The following RNLS variants were observed in gnomAD, a reference collection of about 807,000 sequenced individuals.
The protein encoded by RNLS is renalase.
In RNLS, 39 loss-of-function variants were observed where a neutral mutation model predicts 39.8. The observed-to-expected ratio is 0.98, with a 90% CI of 0.76 to 1.28. The LOEUF (loss-of-function observed/expected upper bound fraction) is 1.28. RNLS is among the 50% of genes most tolerant of loss of function. RNLS has a pLI of 0.00. For synonymous variants in RNLS, 147 were observed against 150.7 expected, an observed-to-expected ratio of 0.98 and a Z score of 0.18; for missense variants, 410 against 413.3, an observed-to-expected ratio of 0.99 and a Z score of 0.07.
At chr10:88,340,740 T>C (rs1564709323) in intron 5 of RNLS, among the ~76,000 whole-genome samples, 1 of 152,134 alleles carries the variant, frequency 6.6e-6, no homozygotes, top group African/African-American at 2.4e-5. Flanking sequence ...TATGCAGGAA[T>C]ATATTTTAAT....
intron 4 of RNLS, among the ~76,000 whole-genome samples, chr10:88,396,759 GAT>G (rs1239124941): frequency 1.4e-5 from 2 of 147,106 alleles, no homozygotes; most frequent in African/African-American, 4.9e-5. Context: ...GTGCACTTTA[GAT>G]CCTAGGTTGA....
intron 4 of RNLS, among the ~76,000 whole-genome samples, chr10:88,436,759 T>A (rs1841437242): frequency 6.6e-6 from 1 of 152,204 alleles, no homozygotes; most frequent in African/African-American, 2.4e-5. Flanking sequence ...AGTCTTTTTT[T>A]TTTTAAAGGG....
intron 4 of RNLS, among the ~76,000 whole-genome samples, chr10:88,537,720 G>A (rs1847839084): frequency 2.0e-5 from 3 of 152,184 alleles, no homozygotes; most frequent in Admixed American, 2.0e-4. Flanking sequence ...GGGAGAGTTA[G>A]GGGCTGGAAG....
intron 4 of RNLS, among the ~76,000 whole-genome samples, chr10:88,489,898 C>T (rs1844788766): frequency 6.6e-6 from 1 of 152,158 alleles, no homozygotes; most frequent in Non-Finnish European, 1.5e-5. Flanking sequence ...GAACCCCTAA[C>T]TCTTTTATGA....
chr10:88,550,357 A>G lies in RNLS; in HGVS notation c.526+22546T>C, dbSNP rs150450729. ...TAGGTGATGGAATAGTTGAGGCCAC[A>G]GAAGAGTACAAATTGAGGGAATCTA... On this transcript the variant is annotated intron_variant, in intron 4 of 6. Coordinates refer to ENST00000331772, the MANE Select transcript of RNLS (RefSeq NM_001031709.3). Among the ~76,000 whole-genome samples the G allele has an allele frequency of 7.9e-5, 12 of 152,328 alleles. No individual in the cohort carries two copies. In the East Asian group the frequency reaches 2.3e-3, roughly 29 times the overall value.
chr10:88,298,811 G>A (rs1408603728), intron 6 of RNLS, among the ~76,000 whole-genome samples: 1 of 151,942 alleles, frequency 6.6e-6, no homozygotes, highest in African/African-American at 2.4e-5. Context: ...GGCTATCAGG[G>A]GGTCCTTGTG....
rs536145270 is a variant in RNLS, at chr10:88,465,316, G to A, written c.527-102591C>T. Among the ~76,000 whole-genome samples, 70 of 152,080 alleles carry A rather than the reference G, an allele frequency of 4.6e-4. 1 individual carries two copies. Among genetic ancestry groups the A allele is most frequent in the African/African-American group, 1.5e-3 (61 of 41,504 alleles). ...TAAATTTTGTTTATTTATTCATCTC[G>A]TCATTGATTTACATAACAAATAATT... On this transcript the variant is annotated intron_variant, in intron 4 of 6. Coordinates refer to ENST00000331772, the MANE Select transcript of RNLS (RefSeq NM_001031709.3).
chr10:88,545,967 C>T (rs1848286127), intron 4 of RNLS, among the ~76,000 whole-genome samples: 1 of 151,746 alleles, frequency 6.6e-6, no homozygotes, highest in Non-Finnish European at 1.5e-5. Context: ...TTCATTCATT[C>T]AATAAATAAT....
intron 4 of RNLS, among the ~76,000 whole-genome samples, chr10:88,484,954 T>C (rs1178507681): frequency 2.6e-5 from 4 of 152,026 alleles, no homozygotes; most frequent in Non-Finnish European, 2.9e-5. Context: ...ATATCTCATA[T>C]ATTTTGTCAG....
At chr10:88,313,077 A>G (rs75657561) in intron 6 of RNLS, among the ~76,000 whole-genome samples, 10,240 of 152,264 alleles carry the variant, frequency 0.067, 463 homozygotes, top group Non-Finnish European at 0.11. Flanking sequence ...TAGGGTTTGG[A>G]GGTACATTGT....
intron 4 of RNLS, among the ~76,000 whole-genome samples, chr10:88,496,646 C>A (rs1195495560): frequency 6.6e-6 from 1 of 152,124 alleles, no homozygotes; most frequent in African/African-American, 2.4e-5. Flanking sequence ...CACCCCATCC[C>A]CACATGCAAC....
At chr10:88,457,768 G>A (rs1459713645) in intron 4 of RNLS, among the ~76,000 whole-genome samples, 1 of 152,156 alleles carries the variant, frequency 6.6e-6, no homozygotes, top group African/African-American at 2.4e-5. Flanking sequence ...ATCCCTATCA[G>A]TCTTCAGCAT....
chr10:88,536,775 T>C (rs990987736), intron 4 of RNLS, among the ~76,000 whole-genome samples: 3 of 152,132 alleles, frequency 2.0e-5, no homozygotes, highest in Non-Finnish European at 4.4e-5. Flanking sequence ...CATCCTTCAC[T>C]ACCCTATCCT....
chr10:88,435,939 G>A (rs1328853839), intron 4 of RNLS, among the ~76,000 whole-genome samples: 1 of 152,086 alleles, frequency 6.6e-6, no homozygotes, highest in Non-Finnish European at 1.5e-5. Flanking sequence ...TCAGTAAAAT[G>A]AAAGGGTATC....
chr10:88,302,419 C>T (rs987280907), intron 6 of RNLS, among the ~76,000 whole-genome samples: 10 of 152,260 alleles, frequency 6.6e-5, no homozygotes, highest in East Asian at 3.9e-4. Context: ...ATATCCATGA[C>T]GATGAACTGG....
intron 4 of RNLS, among the ~76,000 whole-genome samples, chr10:88,365,516 AACACACACACACACAC>A (rs61386966): frequency 1.6e-4 from 24 of 145,908 alleles, no homozygotes; most frequent in Middle Eastern, 3.5e-3. Context: ...AGGATTATAT[AACACACACACACACAC>A]ACACACACAC....
chr10:88,366,878 G>A (rs1012304915), intron 4 of RNLS, among the ~76,000 whole-genome samples: 3 of 151,358 alleles, frequency 2.0e-5, no homozygotes, highest in Non-Finnish European at 4.4e-5. Flanking sequence ...ACCAACTCAC[G>A]GCCAGTGGAG....
rs564551517 is a variant in RNLS at position 88,455,273 on chromosome 10, AT to A, written c.527-92549del. ...ACAATCAAAGTAAAGGGAAAAAAAA[AT>A]CAATTGCTTTCTAGAAAATTTATAG... On this transcript the variant is annotated intron_variant, in intron 4 of 6. Transcript: ENST00000331772. Among the ~76,000 whole-genome samples the A allele has an allele frequency of 8.6e-5, 13 of 151,874 alleles. 1 individual carries two copies. In the South Asian group the frequency reaches 2.7e-3, roughly 32 times the overall value.
chr10:88,355,244 C>T (rs955449987), intron 5 of RNLS, among the ~76,000 whole-genome samples: 1 of 152,166 alleles, frequency 6.6e-6, no homozygotes, highest in Non-Finnish European at 1.5e-5. Flanking sequence ...CTGTTTTGTT[C>T]CGTTGCTGGT....
Sources: gnomAD v4.1 joint callset for allele counts (sites outside exome capture counted in the v4.1 genomes callset) on GRCh38, gnomAD v4.1.1 for gene constraint, MANE v1.5 for transcripts, NCBI Gene and HGNC (gene_info 2026-07-23, HGNC 2026-07-21) for gene names.